The following TUSC3 variants were observed in gnomAD, a reference collection of about 807,000 sequenced individuals.
TUSC3 encodes dolichyl-diphosphooligosaccharide--protein glycosyltransferase subunit TUSC3.
In TUSC3, 45 loss-of-function variants were observed where a neutral mutation model predicts 44.8. The ratio of observed to expected loss-of-function variants is 1.00; its 90% CI spans 0.79 to 1.29. The LOEUF (loss-of-function observed/expected upper bound fraction) is 1.29, where lower values mean the gene tolerates loss of function less well. TUSC3 is among the 50% of genes most tolerant of loss of function. TUSC3 has a pLI of 0.00. For synonymous variants in TUSC3, 212 were observed against 152.9 expected, an observed-to-expected ratio of 1.39 and a Z score of -2.85; for missense variants, 519 against 437.9, an observed-to-expected ratio of 1.19 and a Z score of -1.65.
At chr8:15,711,463 CGTGTGTGTGTGTGTGTGTGT>C (rs36058270) in intron 6 of TUSC3, among the ~76,000 whole-genome samples, 1 of 144,908 alleles carries the variant, frequency 6.9e-6, no homozygotes, top group African/African-American at 2.5e-5. Flanking sequence ...CAAAAAGGTA[CGTGTGTGTGTGTGTGTGTGT>C]GTGTGTGTGT....
chr8:15,469,435 C>G (rs957890816), intron 1 of TUSC3, among the ~76,000 whole-genome samples: 1 of 152,026 alleles, frequency 6.6e-6, no homozygotes, highest in Non-Finnish European at 1.5e-5. Flanking sequence ...ATGAAAAATG[C>G]AAATTAAGAC....
intron 7 of TUSC3, among the ~76,000 whole-genome samples, chr8:15,740,614 A>T (rs1345086257): frequency 6.6e-6 from 1 of 152,140 alleles, no homozygotes; most frequent in Non-Finnish European, 1.5e-5. Flanking sequence ...AGCTATTCGT[A>T]CAACTCTTTT....
intron 1 of TUSC3, among the ~76,000 whole-genome samples, chr8:15,438,601 C>G (rs1235864321): frequency 4.6e-5 from 7 of 152,136 alleles, no homozygotes; most frequent in African/African-American, 1.7e-4. Flanking sequence ...ACCACCTTTG[C>G]TCAGCAAAGA....
chr8:15,741,741 TTTGAA>T (rs1270021783), intron 7 of TUSC3, among the ~76,000 whole-genome samples: 4 of 152,164 alleles, frequency 2.6e-5, no homozygotes, highest in Non-Finnish European at 5.9e-5. Flanking sequence ...TGCAATTCTA[TTTGAA>T]TTATTAGTTT....
intron 1 of TUSC3, among the ~76,000 whole-genome samples, chr8:15,438,371 C>T (rs1052137491): frequency 3.9e-5 from 6 of 152,228 alleles, no homozygotes; most frequent in African/African-American, 1.2e-4. Flanking sequence ...GCTGGGATTA[C>T]AGGCGTGAGC....
intron 1 of TUSC3, among the ~76,000 whole-genome samples, chr8:15,477,982 C>T (rs1430220980): frequency 2.0e-5 from 3 of 151,944 alleles, no homozygotes; most frequent in Non-Finnish European, 4.4e-5. Flanking sequence ...GTTTTTGACA[C>T]AGTCTCGTTC....
chr8:15,602,446 C>A (rs1275545589), intron 1 of TUSC3, among the ~76,000 whole-genome samples: 2 of 151,422 alleles, frequency 1.3e-5, no homozygotes, highest in African/African-American at 4.8e-5. Context: ...TTACATCTTA[C>A]ATTTTACATC....
intron 7 of TUSC3, among the ~76,000 whole-genome samples, chr8:15,739,811 G>T (rs911667262): frequency 6.6e-6 from 1 of 152,124 alleles, no homozygotes; most frequent in Non-Finnish European, 1.5e-5. Context: ...ATCTAATCCT[G>T]ATATCATCTT....
At chr8:15,457,704 TTAGA>T (rs1800275640) in intron 1 of TUSC3, among the ~76,000 whole-genome samples, 2 of 149,086 alleles carry the variant, frequency 1.3e-5, no homozygotes, top group Non-Finnish European at 3.0e-5. Context: ...AAATAATTTA[TTAGA>T]TAAATAATAA....
intron 5 of TUSC3, among the ~76,000 whole-genome samples, chr8:15,673,211 C>A (rs1377011206): frequency 6.6e-6 from 1 of 151,948 alleles, no homozygotes; most frequent in Non-Finnish European, 1.5e-5. Context: ...CTGGCTATGT[C>A]TTTTTGTGAT....
intron 1 of TUSC3, among the ~76,000 whole-genome samples, chr8:15,547,745 C>G (rs1021119691): frequency 2.6e-5 from 4 of 151,268 alleles, no homozygotes; most frequent in African/African-American, 7.3e-5. Context: ...TAAATAGGAC[C>G]CCAGAGAGCT....
intron 2 of TUSC3, among the ~76,000 whole-genome samples, chr8:15,484,607 G>C (rs554312650): frequency 6.6e-6 from 1 of 152,278 alleles, no homozygotes; most frequent in East Asian, 1.9e-4. Context: ...TTAATCTTGA[G>C]TACCTTGCTC....
Position 15,510,187 on chromosome 8 carries a change from A to T in TUSC3, n.189+26704A>T, listed in dbSNP as rs963536228. On this transcript the variant is annotated intron_variant and non_coding_transcript_variant, in intron 2 of 5. Coordinates refer to the TUSC3 transcript ENST00000503191. ...TAGATTAATACATTTGCAAATCTTG[A>T]AAATGAAAAGCAAATTAAAGCCAAA... Among the ~76,000 whole-genome samples, 3 of 152,194 alleles carry T rather than the reference A, an allele frequency of 2.0e-5. 1 individual carries two copies. The highest frequency in any genetic ancestry group is 4.4e-5 in the Non-Finnish European group (3 of 68,050).
chr8:15,652,412 T>A (rs1258208396), intron 3 of TUSC3, among the ~76,000 whole-genome samples: 1 of 152,190 alleles, frequency 6.6e-6, no homozygotes, highest in Non-Finnish European at 1.5e-5. Flanking sequence ...TTCACTTATT[T>A]CCTCCAAATT....
At chr8:15,592,642 G>A (rs1319235373) in intron 1 of TUSC3, among the ~76,000 whole-genome samples, 3 of 152,082 alleles carry the variant, frequency 2.0e-5, no homozygotes, top group Non-Finnish European at 2.9e-5. Context: ...GAAGCCAAGC[G>A]GATGCTGACA....
chr8:15,574,561 G>C (rs1489045076), intron 1 of TUSC3, among the ~76,000 whole-genome samples: 1 of 152,030 alleles, frequency 6.6e-6, no homozygotes, highest in Non-Finnish European at 1.5e-5. Context: ...ATATTATTTA[G>C]TAAAGCATTC....
intron 6 of TUSC3, among the ~76,000 whole-genome samples, chr8:15,715,385 C>A (rs1267803651): frequency 6.6e-6 from 1 of 152,028 alleles, no homozygotes; most frequent in Non-Finnish European, 1.5e-5. Flanking sequence ...TTGTACTATA[C>A]CCACTCTTCT....
chr8:15,660,956 T>C (rs923634055), intron 4 of TUSC3, among the ~76,000 whole-genome samples: 5 of 150,132 alleles, frequency 3.3e-5, no homozygotes, highest in Non-Finnish European at 7.4e-5. Context: ...ATTTCTAAAA[T>C]GTTTTAGAAA....
the TUSC3 span, among the ~76,000 whole-genome samples, chr8:15,835,852 TGAAA>T: frequency 1.1e-5 from 1 of 91,262 alleles, no homozygotes; most frequent in African/African-American, 3.0e-5. Context: ...TATCATGGAC[TGAAA>T]GAATTATAAT....
Sources: allele counts gnomAD v4.1 joint callset (sites outside exome capture counted in the v4.1 genomes callset), GRCh38; gene constraint gnomAD v4.1.1; transcripts MANE v1.5; gene names NCBI Gene and HGNC (gene_info 2026-07-23, HGNC 2026-07-21).